The following PCCA variants were observed in gnomAD, a reference collection of about 807,000 sequenced individuals.
PCCA encodes the protein propionyl-CoA carboxylase subunit alpha.
PCCA carries 74 observed loss-of-function variants against 101.3 expected under a neutral mutation model. That is an observed-to-expected ratio of 0.73 (90% confidence interval 0.61 to 0.89). The LOEUF is 0.89. PCCA is among the 40% of genes least tolerant of loss of function. The pLI, the probability that PCCA is intolerant of heterozygous loss-of-function variation, is 0.00. For synonymous variants in PCCA, 294 were observed against 313.6 expected (o/e 0.94, Z 0.66); for missense variants, 891 against 907.0 (o/e 0.98, Z 0.23).
chr13:100,475,633 G>C (rs552608230), intron 21 of PCCA, among the ~76,000 whole-genome samples: 2 of 152,286 alleles, frequency 1.3e-5, no homozygotes, highest in Non-Finnish European at 2.9e-5. Flanking sequence ...GGGGCGACAA[G>C]GTTTTAATTT....
At chr13:100,299,438 C>T (rs1289814102) in intron 12 of PCCA, among the ~76,000 whole-genome samples, 1 of 152,192 alleles carries the variant, frequency 6.6e-6, no homozygotes, top group Non-Finnish European at 1.5e-5. Flanking sequence ...ACATTTCTTT[C>T]ATATACATTA....
At chr13:100,422,064 C>T (rs540886721) in intron 19 of PCCA, among the ~76,000 whole-genome samples, 8,178 of 43,698 alleles carry the variant, frequency 0.19, 312 homozygotes, top group South Asian at 0.4. Context: ...TTTCTCTTCT[C>T]TTTTCTTTTC....
chr13:100,243,416 C>T (rs1252415842), intron 8 of PCCA, among the ~76,000 whole-genome samples: 1 of 152,028 alleles, frequency 6.6e-6, no homozygotes, highest in Non-Finnish European at 1.5e-5. Context: ...CTCCCTTTTC[C>T]CCCTTAATCT....
At chr13:100,308,450 A>G (rs1435162654) in intron 15 of PCCA, among the ~76,000 whole-genome samples, 1 of 151,960 alleles carries the variant, frequency 6.6e-6, no homozygotes, top group Non-Finnish European at 1.5e-5. Flanking sequence ...TTAGCCACCC[A>G]AGTAGCTGGG....
chr13:100,226,861 C>A (rs1387676910), intron 7 of PCCA, among the ~76,000 whole-genome samples: 1 of 152,158 alleles, frequency 6.6e-6, no homozygotes, highest in Non-Finnish European at 1.5e-5. Context: ...TGACTAATTT[C>A]ATCTTCTTAA....
intron 19 of PCCA, among the ~76,000 whole-genome samples, chr13:100,417,807 A>G (rs2078477335): frequency 6.6e-6 from 1 of 152,044 alleles, no homozygotes; most frequent in Non-Finnish European, 1.5e-5. Flanking sequence ...TACCCTAACT[A>G]AAACCTTAGG....
chr13:100,354,740 C>A (rs2073783442), intron 18 of PCCA, among the ~76,000 whole-genome samples: 2 of 152,122 alleles, frequency 1.3e-5, no homozygotes, highest in South Asian at 4.2e-4. Flanking sequence ...AACAAGATAA[C>A]TTAGATAAAA....
At chr13:100,364,647 A>G (rs188417930) in intron 18 of PCCA, among the ~76,000 whole-genome samples, 2 of 152,218 alleles carry the variant, frequency 1.3e-5, no homozygotes, top group African/African-American at 2.4e-5. Context: ...TGTTTGTAGA[A>G]GAGTGAACTT....
At chr13:100,383,198 C>T (rs1431623790) in intron 19 of PCCA, among the ~76,000 whole-genome samples, 2 of 151,850 alleles carry the variant, frequency 1.3e-5, no homozygotes, top group Non-Finnish European at 2.9e-5. Context: ...CGCCATGTTG[C>T]CTAGGCTGGT....
chr13:100,097,900 C>T (rs1415590116), intron 1 of PCCA, among the ~76,000 whole-genome samples: 6 of 151,912 alleles, frequency 3.9e-5, no homozygotes, highest in African/African-American at 7.3e-5. Flanking sequence ...GACATGCATC[C>T]ATAGTCCCAG....
At chr13:100,452,249 T>A (rs1003582115) in intron 21 of PCCA, among the ~76,000 whole-genome samples, 5 of 151,560 alleles carry the variant, frequency 3.3e-5, no homozygotes, top group African/African-American at 1.2e-4. Context: ...TCTCCCTGTC[T>A]CCCTCTCCCC....
At chr13:100,192,112 ATGC>A (rs2057782141) in intron 6 of PCCA, among the ~76,000 whole-genome samples, 2 of 152,216 alleles carry the variant, frequency 1.3e-5, no homozygotes, top group African/African-American at 4.8e-5. Flanking sequence ...TTTATTATTT[ATGC>A]AGTTGATAAT....
intron 21 of PCCA, among the ~76,000 whole-genome samples, chr13:100,476,870 A>G (rs2083455726): frequency 6.6e-6 from 1 of 152,336 alleles, no homozygotes; most frequent in Non-Finnish European, 1.5e-5. Flanking sequence ...GGGGCAGGGC[A>G]GTTGAATAAG....
chr13:100,151,590 C>CA lies in PCCA; in HGVS notation c.301-3379dup, dbSNP rs368443318. Among the ~76,000 whole-genome samples the CA allele has an allele frequency of 5.4e-3, 746 of 139,308 alleles. 4 individuals are homozygous for CA. Among genetic ancestry groups the CA allele is most frequent in the African/African-American group, 9.0e-3 (340 of 37,610 alleles). 91.4% of individuals were successfully genotyped at this position (139,308 alleles called of 152,430 possible). A position where few individuals can be genotyped will look rare whatever the true frequency, so the allele number is the denominator to read the frequency against. On this transcript the variant is annotated intron_variant, in intron 4 of 23. Transcript: ENST00000376285. ...CTGGGCAAGAGCAAAAACTCTGTCT[C>CA]AAAAAAAAAACCAAACAAACAGAAA...
intron 1 of PCCA, among the ~76,000 whole-genome samples, chr13:100,092,329 G>A (rs2046353457): frequency 1.3e-5 from 2 of 151,994 alleles, no homozygotes; most frequent in Admixed American, 6.6e-5. Context: ...AGCACAATTG[G>A]CTGAAGTAGA....
chr13:100,216,338 C>T (rs948832235), intron 7 of PCCA, among the ~76,000 whole-genome samples: 2 of 152,156 alleles, frequency 1.3e-5, no homozygotes, highest in Non-Finnish European at 2.9e-5. Context: ...TTGGAATCAT[C>T]GAGAGAGACA....
intron 16 of PCCA, among the ~76,000 whole-genome samples, chr13:100,329,499 A>T (rs2069220965): frequency 6.6e-6 from 1 of 152,178 alleles, no homozygotes; most frequent in African/African-American, 2.4e-5. Flanking sequence ...AAGCTACATG[A>T]GAAGTTGCTG....
intron 21 of PCCA, among the ~76,000 whole-genome samples, chr13:100,496,585 T>G (rs888206976): frequency 2.0e-5 from 3 of 152,196 alleles, no homozygotes; most frequent in Non-Finnish European, 1.5e-5. Flanking sequence ...TGGCATCACT[T>G]TGATCATTTG....
intron 19 of PCCA, among the ~76,000 whole-genome samples, chr13:100,420,599 C>T (rs2078680535): frequency 1.3e-5 from 2 of 152,144 alleles, no homozygotes; most frequent in South Asian, 2.1e-4. Context: ...AGACATTAAC[C>T]ATCTAAATAC....
Sources: allele counts gnomAD v4.1 joint callset (sites outside exome capture counted in the v4.1 genomes callset), GRCh38; gene constraint gnomAD v4.1.1; transcripts MANE v1.5; gene names NCBI Gene and HGNC (gene_info 2026-07-23, HGNC 2026-07-21).